The following SEC24D variants were observed in gnomAD, a reference collection of about 807,000 sequenced individuals.
SEC24D encodes the protein protein transport protein Sec24D.
A neutral mutation model predicts 116.9 loss-of-function variants in SEC24D; 69 were observed. The ratio of observed to expected loss-of-function variants is 0.59; its 90% CI spans 0.49 to 0.72. The LOEUF (loss-of-function observed/expected upper bound fraction) is 0.72. Among genes scored for constraint, SEC24D ranks in the 30% least tolerant of loss-of-function variants. The pLI is 0.00. For synonymous variants in SEC24D, 405 were observed against 442.8 expected (o/e 0.91, Z 1.07); for missense variants, 1,131 against 1,264.1 (o/e 0.89, Z 1.60).
At chr4:118,832,745 C>A (rs936332843) in intron 2 of SEC24D, among the ~76,000 whole-genome samples, 1 of 151,878 alleles carries the variant, frequency 6.6e-6, no homozygotes, top group Non-Finnish European at 1.5e-5. Flanking sequence ...GGCCAGATTT[C>A]GACACATCAT....
In SEC24D at chr4:118,731,592, C is replaced by T. The variant is rs1046747907; in HGVS notation, c.2677-85G>A. On this transcript the variant is annotated intron_variant, in intron 20 of 22. Transcript: ENST00000280551. ...CCTCTTTTCCTTTCCTTTTTCCTCC[C>T]TCCCCTCCCTCAATGCATAGTGAGT... 61 of 1,125,828 alleles carry T rather than the reference C, an allele frequency of 5.4e-5. 1 individual carries two copies. The highest frequency in any genetic ancestry group is 2.0e-4 in the South Asian group (15 of 74,142). The allele number at this position is 1,125,828 out of a possible 1,614,324, so 69.7% of individuals were successfully genotyped here. A position where few individuals can be genotyped will look rare whatever the true frequency, so the allele number is the denominator to read the frequency against.
intron 6 of SEC24D, among the ~76,000 whole-genome samples, chr4:118,811,239 G>A (rs1198043162): frequency 6.6e-6 from 1 of 152,206 alleles, no homozygotes; most frequent in Admixed American, 6.5e-5. Context: ...CCAGGTTTGG[G>A]GAGAGGCCAA....
intron 2 of SEC24D, among the ~76,000 whole-genome samples, chr4:118,830,590 AAT>A (rs1233727186): frequency 6.6e-6 from 1 of 151,890 alleles, no homozygotes; most frequent in East Asian, 1.9e-4. Context: ...ATTTCAAAAC[AAT>A]ATGTTGTACA....
chr4:118,727,668 T>A (rs574701885), intron 22 of SEC24D, among the ~76,000 whole-genome samples: 15 of 151,986 alleles, frequency 9.9e-5, no homozygotes, highest in African/African-American at 3.4e-4. Context: ...AACCAAATCT[T>A]AAGAGAATGT....
At chr4:118,760,396 A>T (rs1284928007) in intron 10 of SEC24D, 1 of 152,184 alleles carries the variant, frequency 6.6e-6, no homozygotes, top group Non-Finnish European at 1.5e-5. Context: ...CATACCTCAT[A>T]TAGAATCATT....
intron 8 of SEC24D, among the ~76,000 whole-genome samples, chr4:118,776,261 A>AAG (rs1433315193): frequency 6.6e-6 from 1 of 152,098 alleles, no homozygotes; most frequent in Non-Finnish European, 1.5e-5. Flanking sequence ...CAAAATATAC[A>AAG]CTGATAACTA....
chr4:118,741,482 C>G (rs1383610907), intron 15 of SEC24D, among the ~76,000 whole-genome samples: 1 of 152,160 alleles, frequency 6.6e-6, no homozygotes, highest in East Asian at 1.9e-4. Context: ...CTTCTCCTAG[C>G]CCTGTTAACT....
At chr4:118,800,322 C>T (rs968467114) in intron 7 of SEC24D, among the ~76,000 whole-genome samples, 20 of 152,200 alleles carry the variant, frequency 1.3e-4, no homozygotes, top group African/African-American at 4.3e-4. Flanking sequence ...GCTTAAACAG[C>T]GATTGTGGCG....
At chr4:118,801,627 A>T (rs1293746406) in intron 7 of SEC24D, among the ~76,000 whole-genome samples, 1 of 152,208 alleles carries the variant, frequency 6.6e-6, no homozygotes, top group Non-Finnish European at 1.5e-5. Context: ...TTAATTTTCC[A>T]TTGCACTCAA....
intron 19 of SEC24D, chr4:118,736,134 T>C (rs1299330811): frequency 6.8e-6 from 1 of 147,708 alleles, no homozygotes. Flanking sequence ...GCCTCCTAAG[T>C]AACTGGGATT....
At position 118,739,302 on chromosome 4, in the gene SEC24D, T is replaced by C. The variant is rs767134401; in HGVS notation, c.2239-15A>G. 4.1e-5 allele frequency: 66 copies of C among 1,602,800 alleles called. No individual in the cohort carries two copies. Among genetic ancestry groups the C allele is most frequent in the African/African-American group, 6.7e-5 (5 of 74,310 alleles). On this transcript the variant is annotated splice_polypyrimidine_tract_variant and intron_variant, in intron 17 of 22. Coordinates refer to ENST00000280551, the MANE Select transcript of SEC24D (RefSeq NM_014822.4). ...AGCACAGCACACTGTAGAAGCAACA[T>C]TGAGGTCACATGTTTTTCTGATTAA... is the stretch of plus-strand genomic sequence containing the variant.
intron 22 of SEC24D, among the ~76,000 whole-genome samples, chr4:118,726,208 A>G (rs886247098): frequency 2.0e-5 from 3 of 152,208 alleles, no homozygotes; most frequent in Admixed American, 6.5e-5. Flanking sequence ...AGGCCCAGGT[A>G]GAACATGTTG....
chr4:118,728,699 TA>T (rs771917421), intron 21 of SEC24D, 49 bp from the exon 22 acceptor site: 2 of 1,092,934 alleles, frequency 1.8e-6, no homozygotes, highest in African/African-American at 3.1e-5. Flanking sequence ...AACATTTAGA[TA>T]GAAGTAGCAA....
chr4:118,735,434 A>G (rs4834699), intron 19 of SEC24D, among the ~76,000 whole-genome samples: 40,242 of 152,114 alleles, frequency 0.26, 6,258 homozygotes, highest in East Asian at 0.44. Flanking sequence ...AGTAATTCAT[A>G]TAAGTCGAGC....
chr4:118,732,420 G>T (rs533864090), intron 20 of SEC24D, among the ~76,000 whole-genome samples: 10 of 152,124 alleles, frequency 6.6e-5, no homozygotes, highest in African/African-American at 2.4e-4. Flanking sequence ...GATTACAGAC[G>T]TGAGCCACGG....
intron 22 of SEC24D, among the ~76,000 whole-genome samples, chr4:118,727,970 A>G (rs1188708720): frequency 1.3e-5 from 2 of 152,118 alleles, no homozygotes; most frequent in African/African-American, 4.8e-5. Context: ...GCTCTTCAGT[A>G]AGCAGTGTTA....
intron 22 of SEC24D, among the ~76,000 whole-genome samples, chr4:118,727,353 GT>G (rs1725467449): frequency 6.6e-6 from 1 of 152,154 alleles, no homozygotes; most frequent in African/African-American, 2.4e-5. Context: ...CCCCCAGATG[GT>G]TTTATAACCA....
chr4:118,726,535 A>G (rs933088621), intron 22 of SEC24D, among the ~76,000 whole-genome samples: 7 of 152,336 alleles, frequency 4.6e-5, no homozygotes, highest in Admixed American at 1.3e-4. Context: ...TTCAATAAAT[A>G]TTTGTAGAAT....
intron 10 of SEC24D, among the ~76,000 whole-genome samples, chr4:118,762,593 G>C (rs543973667): frequency 6.6e-6 from 1 of 152,212 alleles, no homozygotes; most frequent in Admixed American, 6.5e-5. Flanking sequence ...CAAGTGCATG[G>C]TGTAAAAAAT....
Sources: allele counts gnomAD v4.1 joint callset (sites outside exome capture counted in the v4.1 genomes callset), GRCh38; gene constraint gnomAD v4.1.1; transcripts MANE v1.5; gene names NCBI Gene and HGNC (gene_info 2026-07-23, HGNC 2026-07-21).